Variants in DPP10 observed in about 807,000 individuals in gnomAD.
The protein encoded by DPP10 is inactive dipeptidyl peptidase 10.
In DPP10, 33 loss-of-function variants were observed where a neutral mutation model predicts 120.9. The observed-to-expected ratio is 0.27, with a 90% CI of 0.21 to 0.37. The LOEUF is 0.37. Among genes scored for constraint, DPP10 ranks in the 10% least tolerant of loss-of-function variants. The pLI is 1.00. For missense variants in DPP10, 816 were observed against 942.8 expected, an observed-to-expected ratio of 0.87 and a Z score of 1.76; for synonymous variants, 337 against 326.1, an observed-to-expected ratio of 1.03 and a Z score of -0.36.
chr2:115,762,665 AT>A, intron 12 of DPP10, 55 bp downstream of exon 12: 1 of 1,585,334 alleles, frequency 6.3e-7, no homozygotes. Flanking sequence ...CTGTTCACCC[AT>A]TTTTTATGTG....
intron 3 of DPP10, chr2:115,468,786 C>T (rs1286405291): frequency 1.1e-5 from 5 of 449,788 alleles, no homozygotes; most frequent in Admixed American, 7.2e-5. Context: ...GCTGAAGTTG[C>T]AGACTGGTCT....
intron 1 of DPP10, among the ~76,000 whole-genome samples, chr2:114,702,458 G>A (rs1298844982): frequency 6.6e-6 from 1 of 151,978 alleles, no homozygotes; most frequent in Non-Finnish European, 1.5e-5. Flanking sequence ...ATTGCTCTCT[G>A]GAAATGGACC....
intron 1 of DPP10, among the ~76,000 whole-genome samples, chr2:114,986,567 CA>C (rs1327601594): frequency 6.6e-6 from 1 of 152,014 alleles, no homozygotes; most frequent in Non-Finnish European, 1.5e-5. Flanking sequence ...CACTACCAAT[CA>C]AATCTGAAGG....
chr2:114,753,908 CAAAAAAAAAAAA>C (rs777798352), intron 1 of DPP10, among the ~76,000 whole-genome samples: 11 of 33,766 alleles, frequency 3.3e-4, no homozygotes, highest in Non-Finnish European at 7.2e-4. Context: ...GACTCCTTCT[CAAAAAAAAAAAA>C]AAAAAAAAAA....
chr2:114,638,654 G>A (rs959208017), intron 1 of DPP10, among the ~76,000 whole-genome samples: 5 of 151,806 alleles, frequency 3.3e-5, no homozygotes, highest in African/African-American at 1.2e-4. Flanking sequence ...TGGGGAAAAG[G>A]GAATGCTTAT....
chr2:115,321,208 G>A (rs1438325386), intron 2 of DPP10, among the ~76,000 whole-genome samples: 2 of 152,136 alleles, frequency 1.3e-5, no homozygotes, highest in Non-Finnish European at 2.9e-5. Context: ...GCCTGAGGCA[G>A]GAGAATCACT....
chr2:115,768,484 C>A, intron 13 of DPP10, 80 bp downstream of exon 13: 2 of 1,286,040 alleles, frequency 1.6e-6, no homozygotes, highest in Non-Finnish European at 2.2e-6. Flanking sequence ...CATTCTAAAC[C>A]TCTAGTTCAT....
At chr2:115,332,733 T>C (rs1312026969) in intron 2 of DPP10, among the ~76,000 whole-genome samples, 1 of 152,266 alleles carries the variant, frequency 6.6e-6, no homozygotes, top group Non-Finnish European at 1.5e-5. Context: ...AGTTGAGCAG[T>C]TTTGAGTGAG....
At chr2:115,794,940 G>A (rs1433116089) in intron 19 of DPP10, among the ~76,000 whole-genome samples, 1 of 152,068 alleles carries the variant, frequency 6.6e-6, no homozygotes, top group Non-Finnish European at 1.5e-5. Flanking sequence ...ATGGCTATGG[G>A]GAGATAACAA....
intron 5 of DPP10, among the ~76,000 whole-genome samples, chr2:115,680,411 C>T (rs1047172156): frequency 5.9e-5 from 9 of 151,708 alleles, no homozygotes; most frequent in African/African-American, 2.2e-4. Flanking sequence ...TAAATAAGTC[C>T]ACAATTGACC....
At chr2:115,084,997 TG>T (rs1708576089) in intron 1 of DPP10, among the ~76,000 whole-genome samples, 1 of 152,222 alleles carries the variant, frequency 6.6e-6, no homozygotes, top group African/African-American at 2.4e-5. Flanking sequence ...ATGTTCAGTT[TG>T]GTGCAACATT....
intron 11 of DPP10, 86 bp from the exon 12 acceptor site, chr2:115,762,486 C>A: frequency 3.5e-6 from 5 of 1,411,416 alleles, no homozygotes; most frequent in South Asian, 1.2e-5. Flanking sequence ...GGAAAAAAAA[C>A]TGATAACCGT....
intron 5 of DPP10, among the ~76,000 whole-genome samples, chr2:115,601,031 C>A (rs183490465): frequency 6.6e-6 from 1 of 152,060 alleles, no homozygotes; most frequent in Non-Finnish European, 1.5e-5. Flanking sequence ...CCTATTTATG[C>A]CTATTCACCT....
chr2:115,539,897 A>C (rs572581800), intron 5 of DPP10, among the ~76,000 whole-genome samples: 159 of 151,898 alleles, frequency 1.0e-3, no homozygotes, highest in African/African-American at 3.7e-3. Flanking sequence ...TAATTATACC[A>C]AGACAGCAAT....
At chr2:114,657,631 T>C (rs1444704667) in intron 1 of DPP10, among the ~76,000 whole-genome samples, 1 of 152,188 alleles carries the variant, frequency 6.6e-6, no homozygotes, top group Non-Finnish European at 1.5e-5. Context: ...TTGTTTTTAC[T>C]AAATAACAGT....
At chr2:114,829,814 A>G (rs1321143566) in intron 1 of DPP10, among the ~76,000 whole-genome samples, 1 of 152,184 alleles carries the variant, frequency 6.6e-6, no homozygotes, top group East Asian at 1.9e-4. Context: ...AACGTTTTCA[A>G]ACATCTGTGA....
At chr2:115,104,172 T>A (rs2048835785) in intron 1 of DPP10, among the ~76,000 whole-genome samples, 1 of 87,430 alleles carries the variant, frequency 1.1e-5, no homozygotes, top group East Asian at 5.0e-4. Context: ...ACATATGTCT[T>A]TTTTTTTTTT....
rs960140455 is a variant in DPP10 at position 114,784,830 on chromosome 2, T to G, written c.60+341992T>G. Among the ~76,000 whole-genome samples, 14 of 152,324 alleles carry G rather than the reference T, an allele frequency of 9.2e-5. 1 individual carries two copies. The highest frequency in any genetic ancestry group is 3.3e-4 in the Admixed American group (5 of 15,306). ...GCAGTGTTTCCAGTCATTTGCTAAC[T>G]GAGCTAGAAATTATAATGGCATGCC... On this transcript the variant is annotated intron_variant, in intron 1 of 25. Coordinates refer to ENST00000410059, the MANE Select transcript of DPP10 (RefSeq NM_020868.6).
intron 1 of DPP10, among the ~76,000 whole-genome samples, chr2:115,002,162 G>A (rs1015009920): frequency 3.1e-4 from 47 of 152,124 alleles, no homozygotes; most frequent in Admixed American, 8.5e-4. Context: ...AAAACAGCAC[G>A]GTACTGGTAA....
Sources: allele counts gnomAD v4.1 joint callset (sites outside exome capture counted in the v4.1 genomes callset), GRCh38; gene constraint gnomAD v4.1.1; transcripts MANE v1.5; gene names NCBI Gene and HGNC (gene_info 2026-07-23, HGNC 2026-07-21).